The following CTNNA2 variants were observed in gnomAD, a reference collection of about 807,000 sequenced individuals.
CTNNA2 encodes the protein catenin alpha-2.
Under a neutral mutation model 101.0 loss-of-function variants are expected in CTNNA2, and 42 were observed. That is an observed-to-expected ratio of 0.42 (90% confidence interval 0.32 to 0.54). The LOEUF is 0.54. CTNNA2 is among the 20% of genes least tolerant of loss of function. The pLI is 0.14. For missense variants in CTNNA2, 871 were observed against 1,223.1 expected, an observed-to-expected ratio of 0.71 and a Z score of 4.29; for synonymous variants, 450 against 456.4, an observed-to-expected ratio of 0.99 and a Z score of 0.18.
At chr2:79,754,850 G>T in intron 3 of CTNNA2, among the ~76,000 whole-genome samples, 1 of 152,080 alleles carries the variant, frequency 6.6e-6, no homozygotes, top group African/African-American at 2.4e-5. Flanking sequence ...GGGAGCGGAG[G>T]GGATGTTTCC....
intron 7 of CTNNA2, among the ~76,000 whole-genome samples, chr2:80,307,461 G>A (rs1167946559): frequency 6.6e-6 from 1 of 151,110 alleles, no homozygotes; most frequent in Non-Finnish European, 1.5e-5. Flanking sequence ...AGTGTCCAAT[G>A]AACTAAAAAA....
intron 2 of CTNNA2, chr2:79,697,830 T>C (rs1002501732): frequency 6.6e-6 from 1 of 151,966 alleles, no homozygotes; most frequent in African/African-American, 2.4e-5. Context: ...ACTCACCAAA[T>C]AGATTTTCTT....
chr2:79,280,045 C>A (rs1472807926), intron 2 of CTNNA2, among the ~76,000 whole-genome samples: 1 of 152,120 alleles, frequency 6.6e-6, no homozygotes, highest in Non-Finnish European at 1.5e-5. Flanking sequence ...TTGTTTTCTA[C>A]ATTAAAATGG....
At chr2:80,522,035 A>T (rs73941161) in intron 9 of CTNNA2, among the ~76,000 whole-genome samples, 5,679 of 152,260 alleles carry the variant, frequency 0.037, 327 homozygotes, top group African/African-American at 0.13. Context: ...ACAGTTACAT[A>T]TCTAAATCAG....
intron 7 of CTNNA2, among the ~76,000 whole-genome samples, chr2:80,179,214 C>T (rs145081565): frequency 8.7e-4 from 132 of 152,334 alleles, no homozygotes; most frequent in Non-Finnish European, 1.2e-3. Context: ...AATGAAACCA[C>T]ATCTGGTACA....
At chr2:80,026,202 G>A (rs532306827) in intron 7 of CTNNA2, among the ~76,000 whole-genome samples, 87 of 152,302 alleles carry the variant, frequency 5.7e-4, no homozygotes, top group African/African-American at 1.3e-3. Flanking sequence ...ACTTCACCTC[G>A]AGGGAGGAGC....
chr2:79,797,020 G>T (rs1041246878), intron 3 of CTNNA2, among the ~76,000 whole-genome samples: 14 of 152,116 alleles, frequency 9.2e-5, no homozygotes, highest in African/African-American at 3.4e-4. Flanking sequence ...CAGCTCTGTT[G>T]CCAAAATTCC....
chr2:79,480,816 C>A (rs1323230100), intron 4 of CTNNA2, among the ~76,000 whole-genome samples: 4 of 152,096 alleles, frequency 2.6e-5, no homozygotes, highest in Non-Finnish European at 5.9e-5. Context: ...ATATGAATAA[C>A]AATTTTCTTA....
chr2:80,310,180 T>C (rs1558993500), intron 7 of CTNNA2, among the ~76,000 whole-genome samples: 2 of 152,182 alleles, frequency 1.3e-5, no homozygotes, highest in African/African-American at 4.8e-5. Context: ...TGTTAAGTGA[T>C]TGCCCACCCT....
intron 2 of CTNNA2, among the ~76,000 whole-genome samples, chr2:79,676,935 C>T (rs530471055): frequency 6.6e-6 from 1 of 152,100 alleles, no homozygotes; most frequent in South Asian, 2.1e-4. Flanking sequence ...GTGCTATTCC[C>T]CTGTCATCCT....
chr2:79,203,060 C>G (rs988697284), intron 2 of CTNNA2, among the ~76,000 whole-genome samples: 1 of 152,170 alleles, frequency 6.6e-6, no homozygotes, highest in Admixed American at 6.5e-5. Flanking sequence ...CTCACTACTA[C>G]TCTCTTCTCT....
In CTNNA2 at chr2:79,218,351, AT is replaced by A. The variant is rs58900850; in HGVS notation, c.-406+20289del. Among the ~76,000 whole-genome samples the A allele has an allele frequency of 7.8e-3, 909 of 116,692 alleles. 14 individuals carry two copies. The highest frequency in any genetic ancestry group is 0.011 in the South Asian group (36 of 3,314). 76.6% of individuals were successfully genotyped at this position (116,692 alleles called of 152,430 possible). ...TGTGTGTGTGTGTGTGTGTGTGTGT[AT>A]TTTTTTTTTTTTTAGAGACAGGATC... On this transcript the variant is annotated intron_variant, in intron 2 of 21. Coordinates refer to the CTNNA2 transcript ENST00000466387.
At position 79,213,903 on chromosome 2, in the gene CTNNA2, A is replaced by G. The variant is rs530658954; in HGVS notation, c.-406+15827A>G. Among the ~76,000 whole-genome samples the G allele has an allele frequency of 3.3e-5, 5 of 152,304 alleles. No homozygotes were observed. In the South Asian group the frequency reaches 8.3e-4, roughly 25 times the overall value. On this transcript the variant is annotated intron_variant, in intron 2 of 21. Transcript: ENST00000466387. ...ATAGTTTGTGATTTTTAGGGCCTCT[A>G]AAAGTATTAAAGCAGCGGCAGCCGC...
At chr2:80,092,336 G>A (rs1699840966) in intron 7 of CTNNA2, among the ~76,000 whole-genome samples, 1 of 152,114 alleles carries the variant, frequency 6.6e-6, no homozygotes, top group Non-Finnish European at 1.5e-5. Context: ...CCTTTGTAGT[G>A]AATAGCAAGT....
At chr2:80,341,285 G>T (rs1345738825) in intron 7 of CTNNA2, among the ~76,000 whole-genome samples, 7 of 152,086 alleles carry the variant, frequency 4.6e-5, no homozygotes, top group Non-Finnish European at 1.0e-4. Flanking sequence ...TTTTAGTCAT[G>T]GTTTGGTCTT....
At chr2:80,281,598 T>C (rs1437291763) in intron 7 of CTNNA2, among the ~76,000 whole-genome samples, 1 of 152,106 alleles carries the variant, frequency 6.6e-6, no homozygotes, top group Non-Finnish European at 1.5e-5. Context: ...CCTTGGTTCT[T>C]ACTTTTTTTT....
intron 7 of CTNNA2, among the ~76,000 whole-genome samples, chr2:80,052,523 G>T (rs1696940431): frequency 6.6e-6 from 1 of 152,226 alleles, no homozygotes; most frequent in African/African-American, 2.4e-5. Flanking sequence ...TCATTTGCCA[G>T]TTGAAATTGC....
intron 7 of CTNNA2, among the ~76,000 whole-genome samples, chr2:80,077,065 A>G (rs1698805386): frequency 6.6e-6 from 1 of 152,002 alleles, no homozygotes; most frequent in African/African-American, 2.4e-5. Context: ...AAACAAACAA[A>G]AGTTAGAGAC....
intron 1 of CTNNA2, among the ~76,000 whole-genome samples, chr2:79,647,340 A>T (rs1680892160): frequency 6.6e-6 from 1 of 152,206 alleles, no homozygotes; most frequent in South Asian, 2.1e-4. Context: ...AACAATAATA[A>T]CAAATATTTC....
Sources: allele counts gnomAD v4.1 joint callset (sites outside exome capture counted in the v4.1 genomes callset), GRCh38; gene constraint gnomAD v4.1.1; transcripts MANE v1.5; gene names NCBI Gene and HGNC (gene_info 2026-07-23, HGNC 2026-07-21).